The following WDFY4 variants were observed in gnomAD, a reference collection of about 807,000 sequenced individuals.
WDFY4 encodes WDFY family member 4.
In WDFY4, 169 loss-of-function variants were observed where a neutral mutation model predicts 351.9. That is an observed-to-expected ratio of 0.48 (90% CI 0.42 to 0.55). The LOEUF is 0.55. WDFY4 is among the 20% of genes least tolerant of loss of function. The pLI, the probability that WDFY4 is intolerant of heterozygous loss-of-function variation, is 0.00. For synonymous variants in WDFY4, 1,622 were observed against 1,574.6 expected, an observed-to-expected ratio of 1.03 and a Z score of -0.71; for missense variants, 3,803 against 3,935.6, an observed-to-expected ratio of 0.97 and a Z score of 0.90.
chr10:48,883,303 A>G (rs2070327613), intron 43 of WDFY4, among the ~76,000 whole-genome samples: 1 of 152,244 alleles, frequency 6.6e-6, no homozygotes, highest in African/African-American at 2.4e-5. Flanking sequence ...TGTCAAGGAC[A>G]GGAACTTGAG....
At chr10:48,944,241 G>C (rs1399840912) in intron 49 of WDFY4, among the ~76,000 whole-genome samples, 1 of 152,246 alleles carries the variant, frequency 6.6e-6, no homozygotes, top group Non-Finnish European at 1.5e-5. Flanking sequence ...TTCAGTGACA[G>C]AGATGATGGT....
chr10:48,822,487 T>G lies in WDFY4; in HGVS notation c.5932T>G (p.Ser1978Ala). The change falls in exon 35 of 62, where the codon TCG becomes GCG. Residue 1978 changes from serine (S) to alanine (A), a missense_variant. Ser to Ala is a moderately conservative substitution (Grantham distance 99). Around this residue, in one of 3 missense-constraint regions of WDFY4, gnomAD observed 3,054 missense variants for 3,148.6 expected, o/e 0.97. Transcript: ENST00000325239. The stretch of plus-strand genomic sequence containing the variant: ...GGAGAAGCTGTACAGTGGGATGTTC[T>G]CGGCAGACCCCAGGCATATCCTCCT... ...LVEKLYSGMFSADPRHILLFI... is the reference protein window; with the variant it reads ...LVEKLYSGMFAADPRHILLFI... 5 of 1,550,508 alleles carry G rather than the reference T, an allele frequency of 3.2e-6. No individual in the cohort carries two copies. Among genetic ancestry groups the G allele is most frequent in the Non-Finnish European group, 4.4e-6 (5 of 1,146,226 alleles).
At position 48,728,144 on chromosome 10, in the gene WDFY4, C is replaced by T. The variant is rs531178110; in HGVS notation, c.971+485C>T. Among the ~76,000 whole-genome samples the T allele has an allele frequency of 1.2e-4, 18 of 152,342 alleles. No homozygotes were observed. In the South Asian group the frequency reaches 3.1e-3, roughly 26 times the overall value. On this transcript the variant is annotated intron_variant, in intron 7 of 61. Coordinates refer to ENST00000325239, the MANE Select transcript of WDFY4 (RefSeq NM_001394531.1). The stretch of plus-strand genomic sequence containing the variant: ...GATTAGCTCCAGTGGCCCCATGAGG[C>T]GCTTGCTTGCTAATGCTCTTGGACT...
intron 23 of WDFY4, among the ~76,000 whole-genome samples, chr10:48,792,763 T>A (rs886233502): frequency 2.6e-5 from 4 of 152,216 alleles, no homozygotes; most frequent in Admixed American, 2.6e-4. Context: ...CAAGAACTAC[T>A]ACATGCTTTG....
chr10:48,933,355 A>C (rs1184152629), intron 47 of WDFY4, among the ~76,000 whole-genome samples: 3 of 152,222 alleles, frequency 2.0e-5, no homozygotes, highest in Admixed American at 6.5e-5. Flanking sequence ...GGGCCTAGTC[A>C]AAGGCGCATG....
intron 51 of WDFY4, among the ~76,000 whole-genome samples, chr10:48,950,629 A>T (rs1014991643): frequency 6.6e-6 from 1 of 152,204 alleles, no homozygotes; most frequent in Admixed American, 6.5e-5. Context: ...ACCAAGCCTA[A>T]AACACTCATG....
chr10:48,907,322 A>C (rs1289180008), intron 47 of WDFY4, among the ~76,000 whole-genome samples: 2 of 152,194 alleles, frequency 1.3e-5, no homozygotes, highest in African/African-American at 4.8e-5. Context: ...AACATCCACC[A>C]TGTCATTGAG....
intron 47 of WDFY4, among the ~76,000 whole-genome samples, chr10:48,907,377 G>A (rs923980479): frequency 1.3e-5 from 2 of 152,176 alleles, no homozygotes; most frequent in Admixed American, 6.5e-5. Flanking sequence ...GTGTGAGATG[G>A]TGCTTGTATT....
rs1735624505 is a variant in WDFY4, at chr10:48,909,967, T to C, written c.7586+8104T>C. The stretch of plus-strand genomic sequence containing the variant: ...CTTAAATATTTAGTTGTCTATAATA[T>C]ATAATCTGTAATTTTCTTAAATTTT... On this transcript the variant is annotated intron_variant, in intron 47 of 61. Coordinates refer to ENST00000325239, the MANE Select transcript of WDFY4 (RefSeq NM_001394531.1). 6 of 500,084 alleles carry C rather than the reference T, an allele frequency of 1.2e-5. No individual in the cohort carries two copies. In the Admixed American group the frequency reaches 1.3e-4, roughly 11 times the overall value. The allele number at this position is 500,084 out of a possible 1,614,324, so 31.0% of individuals were successfully genotyped here.
At chr10:48,978,523 C>G (rs1279494764) in intron 60 of WDFY4, 130 bp downstream of exon 60, 6 of 804,002 alleles carry the variant, frequency 7.5e-6, no homozygotes, top group Non-Finnish European at 1.1e-5. Flanking sequence ...TAGGAAGGCA[C>G]AGAGAGGTTC....
chr10:48,778,653 C>T lies in WDFY4; in HGVS notation c.3218C>T (p.Ser1073Phe). 1 of 1,551,604 alleles carries T rather than the reference C, an allele frequency of 6.4e-7. No individual in the cohort carries two copies. Among genetic ancestry groups the T allele is most frequent in the Non-Finnish European group, 8.7e-7 (1 of 1,147,014 alleles). Residue 1073 changes from serine (S) to phenylalanine (F), a missense_variant, in exon 18 of 62, where the codon TCC (serine) becomes TTC (phenylalanine). Ser to Phe is a radical substitution (Grantham distance 155). Around this residue, in one of 3 missense-constraint regions of WDFY4, gnomAD observed 3,054 missense variants for 3,148.6 expected, o/e 0.97. Transcript: ENST00000325239. ...PFPPPGGLTF[S>F]CWFLISRHGA... The stretch of plus-strand genomic sequence containing the variant: ...CCTCCTCCTGGAGGTCTGACCTTCT[C>T]CTGCTGGTTCCTGATCAGCCGGCAT...
At chr10:48,939,052 G>T (rs780202656) in intron 47 of WDFY4, among the ~76,000 whole-genome samples, 7 of 152,184 alleles carry the variant, frequency 4.6e-5, no homozygotes, top group Non-Finnish European at 7.3e-5. Context: ...GCTCAATGCA[G>T]GCACCCAGCA....
At chr10:48,719,298 G>T (rs1345675031) in intron 2 of WDFY4, among the ~76,000 whole-genome samples, 1 of 152,164 alleles carries the variant, frequency 6.6e-6, no homozygotes, top group Non-Finnish European at 1.5e-5. Flanking sequence ...AACATGAAAA[G>T]AGGTTATCCA....
At chr10:48,693,483 C>T (rs528719905) in intron 1 of WDFY4, among the ~76,000 whole-genome samples, 12 of 152,182 alleles carry the variant, frequency 7.9e-5, no homozygotes, top group South Asian at 2.1e-4. Context: ...TCCTTCGGCA[C>T]GTTGAATAAT....
intron 51 of WDFY4, among the ~76,000 whole-genome samples, chr10:48,953,243 A>C (rs976730147): frequency 6.6e-6 from 1 of 152,036 alleles, no homozygotes; most frequent in Non-Finnish European, 1.5e-5. Context: ...GGAAAAGGAC[A>C]CAGGGGCTGG....
intron 42 of WDFY4, among the ~76,000 whole-genome samples, chr10:48,876,392 G>C (rs1436070202): frequency 2.6e-5 from 4 of 152,180 alleles, no homozygotes; most frequent in Non-Finnish European, 4.4e-5. Context: ...ATATGATCTT[G>C]TACAAAGTAA....
intron 47 of WDFY4, among the ~76,000 whole-genome samples, chr10:48,918,546 C>G (rs1427706437): frequency 5.9e-5 from 9 of 152,140 alleles, no homozygotes; most frequent in African/African-American, 1.9e-4. Flanking sequence ...TGTGTATGTA[C>G]CTAACAGCAG....
At chr10:48,731,643 C>G in intron 9 of WDFY4, 81 bp downstream of exon 9, 2 of 1,425,186 alleles carry the variant, frequency 1.4e-6, no homozygotes, top group South Asian at 1.4e-5. Flanking sequence ...GGCTGCCCAT[C>G]AAATGCAACA....
chr10:48,933,168 C>A (rs1840133483), intron 47 of WDFY4, among the ~76,000 whole-genome samples: 3 of 152,134 alleles, frequency 2.0e-5, no homozygotes, highest in Admixed American at 2.0e-4. Flanking sequence ...ATGGAACATT[C>A]TTCTAGATTG....
Sources: gnomAD v4.1 joint callset for allele counts (sites outside exome capture counted in the v4.1 genomes callset) on GRCh38, gnomAD v4.1.1 for gene constraint, gnomAD v4.1.1 regional missense constraint, MANE v1.5 for transcripts, NCBI Gene and HGNC (gene_info 2026-07-23, HGNC 2026-07-21) for gene names.